The following SPATA18 variants were observed in gnomAD, a reference collection of about 807,000 sequenced individuals.
SPATA18 encodes mitochondria-eating protein.
In SPATA18, 54 loss-of-function variants were observed where a neutral mutation model predicts 68.1. The observed-to-expected ratio is 0.79, with a 90% CI of 0.64 to 0.99. The LOEUF is 0.99. Ranked by LOEUF, SPATA18 falls within the 50% of genes least tolerant of loss-of-function variation. The pLI is 0.00. For synonymous variants in SPATA18, 242 were observed against 244.8 expected (o/e 0.99, Z 0.11); for missense variants, 724 against 681.1 (o/e 1.06, Z -0.70).
At chr4:52,081,783 A>T (rs1165336483) in intron 9 of SPATA18, among the ~76,000 whole-genome samples, 1 of 152,006 alleles carries the variant, frequency 6.6e-6, no homozygotes, top group Non-Finnish European at 1.5e-5. Flanking sequence ...TATTAAATTC[A>T]GCTTATTGTT....
At chr4:52,073,364 T>C (rs1740038136) in intron 6 of SPATA18, among the ~76,000 whole-genome samples, 3 of 152,232 alleles carry the variant, frequency 2.0e-5, no homozygotes, top group African/African-American at 7.2e-5. Context: ...GCTAGTCTGA[T>C]AATTTACTTC....
intron 11 of SPATA18, 112 bp from the exon 12 acceptor site, chr4:52,094,415 T>C: frequency 2.3e-6 from 2 of 888,878 alleles, no homozygotes; most frequent in Non-Finnish European, 3.6e-6. Flanking sequence ...AGTGCTAAAG[T>C]GCCTCAGAGA....
rs1450937177 is a variant in SPATA18, at chr4:52,051,529, C to T, written c.-176C>T. 5 of 640,272 alleles carry T rather than the reference C, an allele frequency of 7.8e-6. No homozygotes were observed. The highest frequency in any genetic ancestry group is 1.4e-5 in the Non-Finnish European group (5 of 367,198). The allele number at this position is 640,272 out of a possible 1,614,324, so 39.7% of individuals were successfully genotyped here. ...GCGGCCCAGGGCACCTCCCCTCTGG[C>T]TTCCCGAACCCGGCCAGGTCCGACC... On this transcript the variant is annotated 5_prime_UTR_variant, in exon 1 of 13. Coordinates refer to ENST00000295213, the MANE Select transcript of SPATA18 (RefSeq NM_145263.4).
chr4:52,072,378 G>T (rs1195469831), intron 6 of SPATA18, among the ~76,000 whole-genome samples: 1 of 152,018 alleles, frequency 6.6e-6, no homozygotes, highest in African/African-American at 2.4e-5. Flanking sequence ...TTAACTTTGG[G>T]CTGAGAGATA....
At chr4:52,085,680 T>C (rs1427788518) in intron 11 of SPATA18, among the ~76,000 whole-genome samples, 2 of 151,912 alleles carry the variant, frequency 1.3e-5, no homozygotes, top group Non-Finnish European at 2.9e-5. Flanking sequence ...TATGGCAACA[T>C]GGGGAAACAT....
At chr4:52,066,407 C>T (rs1333735798) in intron 4 of SPATA18, among the ~76,000 whole-genome samples, 1 of 152,322 alleles carries the variant, frequency 6.6e-6, no homozygotes, top group Non-Finnish European at 1.5e-5. Context: ...ACCTCAGCCT[C>T]CCAAAGTGCT....
intron 6 of SPATA18, among the ~76,000 whole-genome samples, chr4:52,074,577 C>T (rs1199353208): frequency 6.6e-6 from 1 of 152,052 alleles, no homozygotes; most frequent in Non-Finnish European, 1.5e-5. Context: ...ATTAGGAGTG[C>T]AAGGGGTGGT....
chr4:52,082,624 T>G, intron 10 of SPATA18, 114 bp downstream of exon 10: 1 of 1,597,442 alleles, frequency 6.3e-7, no homozygotes, highest in South Asian at 1.1e-5. Flanking sequence ...TGATAAGATT[T>G]CATACAAAGG....
intron 5 of SPATA18, among the ~76,000 whole-genome samples, chr4:52,070,299 G>A (rs1483853494): frequency 6.6e-6 from 1 of 152,042 alleles, no homozygotes; most frequent in East Asian, 1.9e-4. Flanking sequence ...TACTGCAGAA[G>A]TTAGTTTTAA....
At chr4:52,091,510 CCTTTT>C (rs1229650048) in intron 11 of SPATA18, among the ~76,000 whole-genome samples, 5 of 152,118 alleles carry the variant, frequency 3.3e-5, no homozygotes, top group Non-Finnish European at 7.4e-5. Context: ...TGTTTCTTTT[CCTTTT>C]AACAGTCAGG....
At chr4:52,062,950 G>A (rs1739005811) in intron 4 of SPATA18, among the ~76,000 whole-genome samples, 1 of 152,184 alleles carries the variant, frequency 6.6e-6, no homozygotes, top group African/African-American at 2.4e-5. Flanking sequence ...TCAGATGCAT[G>A]TTGTGGGCAG....
At chr4:52,066,095 G>A (rs115088530) in intron 4 of SPATA18, among the ~76,000 whole-genome samples, 59 of 152,100 alleles carry the variant, frequency 3.9e-4, no homozygotes, top group African/African-American at 1.3e-3. Flanking sequence ...ACCACCATCC[G>A]TTTTCCACTT....
In SPATA18 at chr4:52,060,478, G is replaced by A. The variant is rs138025019; in HGVS notation, c.147G>A (p.Lys49=). ...TTGAACTCATTGAGCAAGTTGCCAA[G>A]GTGCAGGGACAACTCTTTGGGATCC... ...HCLELIEQVA[K]VQGQLFGILT... is the part of the protein sequence containing the mutation. Residue 49 remains lysine (K), a synonymous_variant, in exon 2 of 13, where the codon AAG becomes AAA. Transcript: ENST00000295213. 80 of 1,614,032 alleles carry A rather than the reference G, an allele frequency of 5.0e-5. No individual in the cohort carries two copies. In the African/African-American group the frequency reaches 9.2e-4, roughly 19 times the overall value.
chr4:52,085,425 G>A (rs1355137268), intron 11 of SPATA18, among the ~76,000 whole-genome samples: 1 of 152,046 alleles, frequency 6.6e-6, no homozygotes, highest in African/African-American at 2.4e-5. Flanking sequence ...GGGCATTGCA[G>A]GTATTAATGT....
At chr4:52,089,483 T>A (rs1352003395) in intron 11 of SPATA18, among the ~76,000 whole-genome samples, 1 of 152,254 alleles carries the variant, frequency 6.6e-6, no homozygotes, top group Admixed American at 6.5e-5. Context: ...TGGTAAGTTG[T>A]CTTCGTTCTC....
At chr4:52,083,938 A>G (rs560975166) in intron 10 of SPATA18, among the ~76,000 whole-genome samples, 36 of 151,412 alleles carry the variant, frequency 2.4e-4, no homozygotes, top group African/African-American at 7.3e-4. Flanking sequence ...ACGGGGTTTC[A>G]CCATGTTGGT....
intron 4 of SPATA18, among the ~76,000 whole-genome samples, chr4:52,066,672 A>G (rs1356905681): frequency 1.3e-5 from 2 of 152,090 alleles, no homozygotes; most frequent in Admixed American, 1.3e-4. Context: ...AACCCCCAAC[A>G]GAGCCCAGTG....
At position 52,060,498 on chromosome 4, in the gene SPATA18, G is replaced by A. The variant is rs370633778; in HGVS notation, c.167G>A (p.Gly56Glu). Reference protein sequence around the residue: ...QVAKVQGQLFGILTAAAQEGG... With the variant: ...QVAKVQGQLFEILTAAAQEGG... ...GCCAAGGTGCAGGGACAACTCTTTG[G>A]GATCCTCACAGCAGCAGCCCAAGAA... Residue 56 changes from glycine to glutamate, a missense_variant, in exon 2 of 13, where the codon GGG (glycine) becomes GAG (glutamate). Physicochemically the swap from Gly to Glu is moderately conservative, Grantham distance 98. Coordinates refer to ENST00000295213, the MANE Select transcript of SPATA18 (RefSeq NM_145263.4). The A allele has an allele frequency of 1.2e-6, 2 of 1,613,818 alleles. No individual in the cohort carries two copies. Among genetic ancestry groups the A allele is most frequent in the African/African-American group, 2.7e-5 (2 of 74,884 alleles).
intron 10 of SPATA18, chr4:52,083,346 T>A: frequency 1.0e-6 from 1 of 985,374 alleles, no homozygotes; most frequent in Non-Finnish European, 1.2e-6. Flanking sequence ...CTTTCACACA[T>A]ACAGTGGAGA....
Sources: allele counts gnomAD v4.1 joint callset (sites outside exome capture counted in the v4.1 genomes callset), GRCh38; gene constraint gnomAD v4.1.1; transcripts MANE v1.5; gene names NCBI Gene and HGNC (gene_info 2026-07-23, HGNC 2026-07-21).